Variants in TENM2 observed in about 807,000 individuals in gnomAD.
The protein encoded by TENM2 is teneurin-2.
In TENM2, 52 loss-of-function variants were observed where a neutral mutation model predicts 245.2. That is an observed-to-expected ratio of 0.21 (90% confidence interval 0.17 to 0.27). The LOEUF (loss-of-function observed/expected upper bound fraction) is 0.27. Among genes scored for constraint, TENM2 ranks in the 10% least tolerant of loss-of-function variants. The pLI is 1.00. For synonymous variants in TENM2, 1,363 were observed against 1,438.9 expected (o/e 0.95, Z 1.19); for missense variants, 3,046 against 3,666.8 (o/e 0.83, Z 4.37).
chr5:168,119,627 G>GC (rs1795331623), intron 10 of TENM2, among the ~76,000 whole-genome samples: 1 of 152,124 alleles, frequency 6.6e-6, no homozygotes, highest in South Asian at 2.1e-4. Context: ...GACCCTCTCA[G>GC]CCCCTTGCCC....
the TENM2 span, among the ~76,000 whole-genome samples, chr5:166,989,075 AT>A: frequency 0.016 from 2,423 of 148,178 alleles, 59 homozygotes; most frequent in African/African-American, 0.052. Context: ...AACAGATTAG[AT>A]TTTTTTTTTT....
intron 1 of TENM2, among the ~76,000 whole-genome samples, chr5:167,330,959 C>T (rs373714372): frequency 6.6e-6 from 1 of 151,916 alleles, no homozygotes; most frequent in African/African-American, 2.4e-5. Context: ...CATTATGGGC[C>T]AGGCGTGGTG....
At chr5:168,230,582 A>C (rs946841735) in intron 25 of TENM2, among the ~76,000 whole-genome samples, 3 of 152,176 alleles carry the variant, frequency 2.0e-5, no homozygotes, top group Non-Finnish European at 4.4e-5. Flanking sequence ...CATTGGCCCC[A>C]TAAGGCTAGC....
At chr5:167,996,059 C>T (rs1386554346) in intron 5 of TENM2, among the ~76,000 whole-genome samples, 1 of 152,130 alleles carries the variant, frequency 6.6e-6, no homozygotes, top group African/African-American at 2.4e-5. Flanking sequence ...TGGGTTCAGG[C>T]CTGCCAGGCA....
chr5:167,713,464 C>A (rs1442518031), intron 2 of TENM2, among the ~76,000 whole-genome samples: 1 of 151,886 alleles, frequency 6.6e-6, no homozygotes, highest in Non-Finnish European at 1.5e-5. Context: ...ATACATCAAA[C>A]ACACAAGTAC....
At chr5:167,748,814 C>T (rs150054682) in intron 2 of TENM2, among the ~76,000 whole-genome samples, 7 of 152,082 alleles carry the variant, frequency 4.6e-5, no homozygotes, top group Admixed American at 1.3e-4. Context: ...GAGAACAGCG[C>T]GGCGGAAACC....
At chr5:168,226,854 G>A (rs139843759) in intron 24 of TENM2, among the ~76,000 whole-genome samples, 2 of 152,266 alleles carry the variant, frequency 1.3e-5, no homozygotes, top group African/African-American at 4.8e-5. Context: ...AATGAATTGT[G>A]CCGATTAATT....
At chr5:168,204,274 G>A in intron 18 of TENM2, 98 bp from the exon 21 acceptor site, 1 of 1,341,570 alleles carries the variant, frequency 7.5e-7, no homozygotes, top group Non-Finnish European at 1.0e-6. Flanking sequence ...GAGCACTGAA[G>A]ATTCCTAATT....
At chr5:168,055,000 A>C (rs1789416409) in intron 6 of TENM2, among the ~76,000 whole-genome samples, 1 of 152,186 alleles carries the variant, frequency 6.6e-6, no homozygotes, top group Non-Finnish European at 1.5e-5. Context: ...TTTGCCATGG[A>C]AGCCCCAACT....
At chr5:167,128,625 T>TCA in the TENM2 span, among the ~76,000 whole-genome samples, 2 of 152,090 alleles carry the variant, frequency 1.3e-5, no homozygotes, top group African/African-American at 2.4e-5. Flanking sequence ...TATGGACACT[T>TCA]CACTGAAGCC....
chr5:167,447,095 A>G (rs906570913), intron 2 of TENM2, among the ~76,000 whole-genome samples: 4 of 152,200 alleles, frequency 2.6e-5, no homozygotes, highest in African/African-American at 7.2e-5. Context: ...TCCAAACTGT[A>G]TAACAAATGA....
intron 2 of TENM2, among the ~76,000 whole-genome samples, chr5:167,483,270 C>A (rs1767867163): frequency 6.6e-6 from 1 of 152,206 alleles, no homozygotes; most frequent in Non-Finnish European, 1.5e-5. Context: ...ACAAAGGATG[C>A]TTCCTTGCCC....
intron 2 of TENM2, among the ~76,000 whole-genome samples, chr5:167,853,297 A>AAAAAAAAAAAAAAAAG (rs1561856632): frequency 4.2e-5 from 6 of 141,530 alleles, no homozygotes; most frequent in African/African-American, 1.3e-4. Flanking sequence ...CTCAAAAAAA[A>AAAAAAAAAAAAAAAAG]AAAAAAAAAA....
At chr5:167,401,015 C>CA (rs1444092666) in intron 2 of TENM2, among the ~76,000 whole-genome samples, 3 of 151,992 alleles carry the variant, frequency 2.0e-5, no homozygotes, top group African/African-American at 7.2e-5. Flanking sequence ...TGCTTGAGCC[C>CA]AGGAGGTTGA....
At chr5:168,066,250 C>T (rs1790493808) in intron 7 of TENM2, among the ~76,000 whole-genome samples, 1 of 152,160 alleles carries the variant, frequency 6.6e-6, no homozygotes, top group African/African-American at 2.4e-5. Flanking sequence ...TCCTACAGAA[C>T]TCTGCTTGGA....
At chr5:167,412,259 A>G (rs1242637547) in intron 2 of TENM2, among the ~76,000 whole-genome samples, 2 of 152,018 alleles carry the variant, frequency 1.3e-5, no homozygotes, top group African/African-American at 2.4e-5. Context: ...GTAATGGTTC[A>G]GAAAGTGGGG....
At chr5:167,150,778 G>A in the TENM2 span, among the ~76,000 whole-genome samples, 1 of 152,140 alleles carries the variant, frequency 6.6e-6, no homozygotes, top group Non-Finnish European at 1.5e-5. Flanking sequence ...TTTCAACCTA[G>A]AGCCTGGATA....
chr5:167,281,435 C>T (rs1304424212), upstream of TENM2, among the ~76,000 whole-genome samples: 1 of 151,954 alleles, frequency 6.6e-6, no homozygotes, highest in Non-Finnish European at 1.5e-5. Context: ...TTTTAAGTAA[C>T]AGGCAGGCTA....
At chr5:168,037,501 A>G (rs1052725511) in intron 5 of TENM2, among the ~76,000 whole-genome samples, 2 of 149,956 alleles carry the variant, frequency 1.3e-5, no homozygotes, top group Admixed American at 6.6e-5. Flanking sequence ...TAGAAACTCA[A>G]TTTAATGAAT....
Sources: allele counts gnomAD v4.1 joint callset (sites outside exome capture counted in the v4.1 genomes callset), GRCh38; gene constraint gnomAD v4.1.1; transcripts MANE v1.5; gene names NCBI Gene and HGNC (gene_info 2026-07-23, HGNC 2026-07-21).